Variants in KDM4B observed in about 807,000 individuals in gnomAD.
KDM4B encodes lysine demethylase 4B.
A neutral mutation model predicts 125.2 loss-of-function variants in KDM4B; 32 were observed. That is an observed-to-expected ratio of 0.26 (90% CI 0.19 to 0.34). KDM4B has a LOEUF of 0.34. Ranked by LOEUF, KDM4B falls within the 10% of genes least tolerant of loss-of-function variation. The pLI is 1.00. For synonymous variants in KDM4B, 721 were observed against 677.9 expected (o/e 1.06, Z -0.99); for missense variants, 1,190 against 1,577.7 (o/e 0.75, Z 4.16).
intron 5 of KDM4B, among the ~76,000 whole-genome samples, chr19:5,046,618 C>T (rs778192586): frequency 6.6e-6 from 1 of 152,198 alleles, no homozygotes; most frequent in Non-Finnish European, 1.5e-5. Context: ...ATTTTATGAG[C>T]TCTTGGGACA....
In KDM4B at chr19:5,015,839, C is replaced by A. The variant is rs547818567; in HGVS notation, c.-108-418C>A. On this transcript the variant is annotated intron_variant, in intron 1 of 22. Coordinates refer to ENST00000159111, the MANE Select transcript of KDM4B (RefSeq NM_015015.3). Reference sequence around the variant, plus strand: ...CCCCTGTGCGGTCGCAGCCCCTGCCCCCCTCTCTCCCCGTGCTCTGCCTCT... The same window carrying A: ...CCCCTGTGCGGTCGCAGCCCCTGCCACCCTCTCTCCCCGTGCTCTGCCTCT... 3.3e-5 allele frequency among the ~76,000 whole-genome samples: 5 copies of A among 152,360 alleles called. No homozygotes were observed. In the South Asian group the frequency reaches 1.0e-3, roughly 32 times the overall value.
intron 5 of KDM4B, among the ~76,000 whole-genome samples, chr19:5,043,104 T>TC (rs1193794262): frequency 6.6e-6 from 1 of 151,610 alleles, no homozygotes; most frequent in Non-Finnish European, 1.5e-5. Flanking sequence ...GTCCCCCTTA[T>TC]CCCGCACGGC....
At chr19:5,116,752 G>C (rs532186912) in intron 10 of KDM4B, among the ~76,000 whole-genome samples, 1 of 152,172 alleles carries the variant, frequency 6.6e-6, no homozygotes, top group Non-Finnish European at 1.5e-5. Context: ...AATGCGGCCC[G>C]AGTTGCTCTG....
intron 1 of KDM4B, among the ~76,000 whole-genome samples, chr19:4,978,742 G>A (rs1246176070): frequency 6.6e-6 from 1 of 152,206 alleles, no homozygotes; most frequent in African/African-American, 2.4e-5. Context: ...CAGGGGCGCG[G>A]GAGGAGGGAT....
At chr19:5,072,044 G>A (rs535038247) in intron 7 of KDM4B, among the ~76,000 whole-genome samples, 4 of 152,278 alleles carry the variant, frequency 2.6e-5, no homozygotes, top group Admixed American at 1.3e-4. Context: ...CAAGGACGGC[G>A]TCAGGCAGCT....
chr19:5,064,597 G>A (rs967144778), intron 6 of KDM4B, among the ~76,000 whole-genome samples: 2 of 152,114 alleles, frequency 1.3e-5, no homozygotes, highest in East Asian at 3.9e-4. Context: ...AAAGCTACAC[G>A]AATCTTAAAA....
intron 2 of KDM4B, 28 bp from the exon 3 acceptor site, chr19:5,032,838 G>T: frequency 6.2e-7 from 1 of 1,600,522 alleles, no homozygotes; most frequent in South Asian, 1.1e-5. Flanking sequence ...GGCACCGCTG[G>T]TTCACCCTCT....
chr19:5,127,842 C>T (rs375013936), intron 11 of KDM4B, among the ~76,000 whole-genome samples: 35 of 152,184 alleles, frequency 2.3e-4, no homozygotes, highest in African/African-American at 7.2e-4. Context: ...GGGCCTGGGG[C>T]GGTCACACCA....
chr19:5,118,636 C>T (rs140449237), intron 10 of KDM4B, among the ~76,000 whole-genome samples: 1 of 152,366 alleles, frequency 6.6e-6, no homozygotes, highest in African/African-American at 2.4e-5. Context: ...CCTGGAAAGA[C>T]CCTGGAGGTC....
chr19:5,095,203 C>G (rs2145930055), intron 9 of KDM4B, among the ~76,000 whole-genome samples: 1 of 152,302 alleles, frequency 6.6e-6, no homozygotes, highest in East Asian at 1.9e-4. Context: ...GCATTGTCCT[C>G]AATGTTCCGC....
chr19:5,118,601 A>C (rs1392932940), intron 10 of KDM4B, among the ~76,000 whole-genome samples: 1 of 152,122 alleles, frequency 6.6e-6, no homozygotes, highest in Non-Finnish European at 1.5e-5. Flanking sequence ...CCCCCTCCGC[A>C]TCTCCAAAAA....
intron 1 of KDM4B, among the ~76,000 whole-genome samples, chr19:5,006,873 G>A (rs2602689): frequency 0.065 from 9,870 of 152,160 alleles, 1,039 homozygotes; most frequent in African/African-American, 0.22. Flanking sequence ...TCCATGTTCC[G>A]CTCTGTGAAG....
At chr19:5,144,994 C>T (rs764873529) in intron 21 of KDM4B, 92 bp downstream of exon 21, 3 of 1,550,706 alleles carry the variant, frequency 1.9e-6, no homozygotes, top group African/African-American at 1.4e-5. Context: ...GCCCAGGTGC[C>T]TTTGCCTGGG....
At chr19:4,991,317 T>C (rs182211086) in intron 1 of KDM4B, among the ~76,000 whole-genome samples, 9 of 151,830 alleles carry the variant, frequency 5.9e-5, no homozygotes, top group African/African-American at 2.2e-4. Flanking sequence ...CTTTTAATTT[T>C]TAAAGAATTA....
chr19:4,983,973 G>T (rs547708928), intron 1 of KDM4B, among the ~76,000 whole-genome samples: 1 of 152,154 alleles, frequency 6.6e-6, no homozygotes, highest in African/African-American at 2.4e-5. Flanking sequence ...GAATTACCAC[G>T]CGAAAAGCCC....
At chr19:5,014,797 C>T (rs1282568886) in intron 1 of KDM4B, among the ~76,000 whole-genome samples, 1 of 151,822 alleles carries the variant, frequency 6.6e-6, no homozygotes, top group Non-Finnish European at 1.5e-5. Flanking sequence ...AGTTCGAGAC[C>T]AGCTTGGCCA....
intron 22 of KDM4B, among the ~76,000 whole-genome samples, chr19:5,151,009 C>A (rs181218725): frequency 9.4e-4 from 143 of 152,312 alleles, no homozygotes; most frequent in Non-Finnish European, 1.4e-3. Context: ...AGGGGCAGAG[C>A]CCGTGGGGGA....
chr19:5,052,615 T>C (rs1022990580), intron 6 of KDM4B, among the ~76,000 whole-genome samples: 1 of 152,208 alleles, frequency 6.6e-6, no homozygotes, highest in East Asian at 1.9e-4. Context: ...TGCTGGCAGC[T>C]CCTGCCTGGG....
At chr19:4,976,249 CA>C (rs11327138) in intron 1 of KDM4B, among the ~76,000 whole-genome samples, 36,305 of 85,432 alleles carry the variant, frequency 0.42, 4,775 homozygotes, top group East Asian at 0.69. Context: ...AACTCAGTCT[CA>C]AAAAAAAAAA....
Sources: allele counts gnomAD v4.1 joint callset (sites outside exome capture counted in the v4.1 genomes callset), GRCh38; gene constraint gnomAD v4.1.1; transcripts MANE v1.5; gene names NCBI Gene and HGNC (gene_info 2026-07-23, HGNC 2026-07-21).